FAM83A: variants seen among roughly 807,000 people sequenced by gnomAD.
The protein encoded by FAM83A is protein FAM83A.
A neutral mutation model predicts 24.4 loss-of-function variants in FAM83A; 21 were observed. The observed-to-expected ratio is 0.86, with a 90% CI of 0.61 to 1.24. The LOEUF is 1.24. Among genes scored for constraint, FAM83A ranks in the 50% most tolerant of loss-of-function variants. FAM83A has a pLI of 0.00. For synonymous variants in FAM83A, 270 were observed against 252.4 expected (o/e 1.07, Z -0.66); for missense variants, 617 against 579.8 (o/e 1.06, Z -0.66).
At chr8:123,189,572 C>T (rs1217283634) in intron 1 of FAM83A, among the ~76,000 whole-genome samples, 1 of 152,206 alleles carries the variant, frequency 6.6e-6, no homozygotes, top group Non-Finnish European at 1.5e-5. Flanking sequence ...TATTCAAAGT[C>T]ACCGCTCTGC....
intron 1 of FAM83A, 97 bp downstream of exon 1, chr8:123,183,433 G>C: frequency 6.6e-7 from 1 of 1,513,340 alleles, no homozygotes; most frequent in African/African-American, 1.4e-5. Flanking sequence ...CCCAGGGCGA[G>C]AGTCCAGATA....
chr8:123,185,227 C>T (rs567065814), intron 1 of FAM83A, among the ~76,000 whole-genome samples: 1 of 152,324 alleles, frequency 6.6e-6, no homozygotes, highest in South Asian at 2.1e-4. Context: ...CTATGCCGGA[C>T]TAAAGTCCCT....
At chr8:123,182,083 CCAGA>C (rs755610470), upstream of FAM83A, 9 of 456,196 alleles carry the variant, frequency 2.0e-5, no homozygotes, top group Admixed American at 4.7e-5. Flanking sequence ...GGCTCGTTCT[CCAGA>C]CAGTGTTCCA....
chr8:123,198,503 A>G (rs1354536758), intron 3 of FAM83A, among the ~76,000 whole-genome samples: 5 of 152,228 alleles, frequency 3.3e-5, no homozygotes, highest in African/African-American at 1.2e-4. Flanking sequence ...GAACTGCGCT[A>G]GGAGTGGGGG....
intron 3 of FAM83A, among the ~76,000 whole-genome samples, chr8:123,206,257 C>T (rs2131108259): frequency 6.6e-6 from 1 of 152,294 alleles, no homozygotes; most frequent in South Asian, 2.1e-4. Flanking sequence ...TCTTCCACCA[C>T]CCCTCGCCCC....
intron 2 of FAM83A, among the ~76,000 whole-genome samples, chr8:123,193,796 G>A (rs1411583079): frequency 6.6e-6 from 1 of 152,206 alleles, no homozygotes. Flanking sequence ...GGCAGAAGGA[G>A]TGAGGCAGAT....
At chr8:123,181,978 C>T (rs1586770351), upstream of FAM83A, 1 of 454,452 alleles carries the variant, frequency 2.2e-6, no homozygotes. Flanking sequence ...GGTCACTCCC[C>T]TCAGAGTTCA....
exon 4 of FAM83A, chr8:123,207,978 A>C: frequency 2.5e-6 from 3 of 1,203,046 alleles, no homozygotes; most frequent in Non-Finnish European, 3.1e-6. Context: ...TCTTCCAGAG[A>C]TCATCCGGGG....
At chr8:123,179,834 C>G (rs1314592222), upstream of FAM83A, 3 of 152,160 alleles carry the variant, frequency 2.0e-5, no homozygotes, top group East Asian at 1.9e-4. Flanking sequence ...GGGAGACACT[C>G]AAGCATTTAT....
upstream of FAM83A, chr8:123,181,933 T>C (rs1227978375): frequency 2.3e-6 from 1 of 429,238 alleles, no homozygotes; most frequent in Non-Finnish European, 4.8e-6. Context: ...GTCCATCCCA[T>C]TGCCAGATCA....
Position 123,209,355 on chromosome 8 carries a change from T to C in FAM83A, c.*1667T>C. On this transcript the variant is annotated 3_prime_UTR_variant, in exon 4 of 4. Coordinates refer to ENST00000690554, the Ensembl canonical transcript of FAM83A. The surrounding 1 kb of genome is among the most constrained non-coding windows in gnomAD (Gnocchi z 4.7). ...CCAGCATGATCTGGGGCATCTTGGCTTCTGGTTTCTTTTATTATTATTATT... is the reference window on the plus strand; with the variant it reads ...CCAGCATGATCTGGGGCATCTTGGCCTCTGGTTTCTTTTATTATTATTATT... The C allele has an allele frequency of 6.8e-7, 1 of 1,462,488 alleles. No homozygotes were observed. The highest frequency in any genetic ancestry group is 2.6e-5 in the East Asian group (1 of 39,192). 90.6% of individuals were successfully genotyped at this position (1,462,488 alleles called of 1,614,324 possible).
At chr8:123,191,741 G>A (rs970445432) in intron 1 of FAM83A, 62 bp from the exon 2 acceptor site, 3 of 1,577,234 alleles carry the variant, frequency 1.9e-6, no homozygotes, top group African/African-American at 1.3e-5. Flanking sequence ...GGCAGTTTGG[G>A]TGAAACCAGT....
At chr8:123,179,271 G>GA (rs1384854607), upstream of FAM83A, 3 of 152,154 alleles carry the variant, frequency 2.0e-5, no homozygotes, top group Non-Finnish European at 4.4e-5. Context: ...TGAGTATTCT[G>GA]CCCTCATGTA....
At position 123,183,031 on chromosome 8, in the gene FAM83A, G is replaced by A. The variant is rs373687353; in HGVS notation, c.175G>A (p.Glu59Lys). 2.8e-5 allele frequency: 45 copies of A among 1,609,868 alleles called. 2 individuals are homozygous for A. The highest frequency in any genetic ancestry group is 2.2e-4 in the South Asian group (20 of 90,338). Reference sequence around the variant, plus strand: ...CTGGCGGGTGCTCAGCCAGGAAGGCGAGGTGGACTTCTTGTCCTCGGTGGA... The same window carrying A: ...CTGGCGGGTGCTCAGCCAGGAAGGCAAGGTGGACTTCTTGTCCTCGGTGGA... Residue 59 changes from glutamate to lysine, a missense_variant, in exon 1 of 4, where the codon GAG (glutamate) becomes AAG (lysine). Coordinates refer to ENST00000690554, the Ensembl canonical transcript of FAM83A.
chr8:123,185,207 G>C (rs1586774159), intron 1 of FAM83A, among the ~76,000 whole-genome samples: 2 of 152,330 alleles, frequency 1.3e-5, no homozygotes, highest in East Asian at 3.9e-4. Context: ...GACTCCTTAG[G>C]GCTCAGCTCC....
intron 3 of FAM83A, chr8:123,199,793 T>C (rs1365191089): frequency 6.5e-6 from 1 of 153,892 alleles, no homozygotes; most frequent in African/African-American, 2.4e-5. Context: ...ACTAATTTTT[T>C]TATTTGTGAA....
chr8:123,182,252 G>A (rs974208237), upstream of FAM83A: 3 of 391,790 alleles, frequency 7.7e-6, no homozygotes, highest in Non-Finnish European at 1.6e-5. Context: ...CCAAGGAGAG[G>A]AGGCGCGCCT....
chr8:123,189,438 T>A (rs1001470504), intron 1 of FAM83A, among the ~76,000 whole-genome samples: 8 of 152,210 alleles, frequency 5.3e-5, no homozygotes, highest in African/African-American at 1.9e-4. Context: ...AAACTTATTA[T>A]TACAGGTAAT....
At chr8:123,197,379 G>A (rs541286782) in intron 3 of FAM83A, among the ~76,000 whole-genome samples, 1 of 152,196 alleles carries the variant, frequency 6.6e-6, no homozygotes, top group Admixed American at 6.5e-5. Context: ...GGGTCCCCAT[G>A]TAAGTGCCTG....
Sources: gnomAD v4.1 joint callset for allele counts (sites outside exome capture counted in the v4.1 genomes callset) on GRCh38, gnomAD v4.1.1 for gene constraint, Gnocchi (gnomAD v3.1) non-coding constraint, MANE v1.5 for transcripts, NCBI Gene and HGNC (gene_info 2026-07-23, HGNC 2026-07-21) for gene names.